Variants in TRAM2 observed in about 807,000 individuals in gnomAD.
TRAM2 encodes the protein translocation associated membrane protein 2.
TRAM2 carries 12 observed loss-of-function variants against 51.0 expected under a neutral mutation model. The ratio of observed to expected loss-of-function variants is 0.24; its 90% CI spans 0.15 to 0.38. The LOEUF (loss-of-function observed/expected upper bound fraction) is 0.38. TRAM2 is among the 10% of genes least tolerant of loss of function. The probability of loss-of-function intolerance (pLI) is 1.00; values close to 1 mark genes in which losing one functional copy is unlikely to be tolerated. For synonymous variants in TRAM2, 175 were observed against 179.4 expected, an observed-to-expected ratio of 0.98 and a Z score of 0.20; for missense variants, 361 against 462.0, an observed-to-expected ratio of 0.78 and a Z score of 2.00.
chr6:52,504,785 GGGGCTT>G, intron 9 of TRAM2, 31 bp from the exon 10 acceptor site: 1 of 1,566,760 alleles, frequency 6.4e-7, no homozygotes, highest in Middle Eastern at 2.2e-4. Flanking sequence ...GGCTTAGGCT[GGGGCTT>G]GGGCTCACAG....
In TRAM2 at chr6:52,506,154, T is replaced by G; in HGVS notation, c.627-18A>C. 6.2e-7 allele frequency: 1 copy of G among 1,606,920 alleles called. No homozygotes were observed. The highest frequency in any genetic ancestry group is 8.5e-7 in the Non-Finnish European group (1 of 1,175,124). ...GGCTCAGGCTGGGGGTGGGGAAGAC[T>G]AGACTTACATTCCCTCCAAGATGCT... On this transcript the variant is annotated intron_variant, in intron 7 of 10. Coordinates refer to ENST00000182527, the MANE Select transcript of TRAM2 (RefSeq NM_012288.4).
chr6:52,576,944 C>T lies in TRAM2; in HGVS notation c.-29G>A, dbSNP rs755597096. On this transcript the variant is annotated 5_prime_UTR_variant, in exon 1 of 11. Transcript: ENST00000182527. ...AGCGGGCGCGCAGCGGCCGGCGGGGCCCGCACCCTGCGCTCACGAACCGCA... is the reference window on the plus strand; with the variant it reads ...AGCGGGCGCGCAGCGGCCGGCGGGGTCCGCACCCTGCGCTCACGAACCGCA... 5.0e-6 allele frequency: 8 copies of T among 1,589,922 alleles called. No individual in the cohort carries two copies. The highest frequency in any genetic ancestry group is 2.3e-5 in the South Asian group (2 of 88,848).
chr6:52,528,158 T>C (rs1245860783), intron 2 of TRAM2, among the ~76,000 whole-genome samples: 1 of 152,100 alleles, frequency 6.6e-6, no homozygotes, highest in Non-Finnish European at 1.5e-5. Flanking sequence ...CCTGGTGCTG[T>C]ACAGGTGTGA....
intron 1 of TRAM2, among the ~76,000 whole-genome samples, chr6:52,553,908 T>C (rs138318227): frequency 6.6e-5 from 10 of 152,328 alleles, no homozygotes; most frequent in African/African-American, 2.4e-4. Context: ...TTGTCATTTA[T>C]CATTTTCTGG....
intron 4 of TRAM2, 37 bp from the exon 5 acceptor site, chr6:52,509,623 G>A (rs1766417850): frequency 1.9e-6 from 3 of 1,608,932 alleles, no homozygotes; most frequent in Non-Finnish European, 2.6e-6. Flanking sequence ...TTAGAGATGT[G>A]GACGTGAGAC....
intron 2 of TRAM2, 97 bp downstream of exon 2, chr6:52,535,686 G>GA (rs3215574): frequency 0.045 from 41,176 of 915,744 alleles, no homozygotes; most frequent in Non-Finnish European, 0.051. Flanking sequence ...CGTCATGGGG[G>GA]AAAAAAAAAA....
At chr6:52,523,993 T>C (rs1766725286) in intron 2 of TRAM2, 1 of 152,212 alleles carries the variant, frequency 6.6e-6, no homozygotes, top group African/African-American at 2.4e-5. Flanking sequence ...CACCTCCAGG[T>C]GATGCTGACC....
At position 52,498,195 on chromosome 6, in the gene TRAM2, A is replaced by C. The variant is rs773996899; in HGVS notation, c.*5002T>G. ...CTCCCATGGGTCCCATTTCTCCCCC[A>C]GTTGCAGGTGTTTTAAGGGACAGAA... On this transcript the variant is annotated 3_prime_UTR_variant, in exon 11 of 11. Transcript: ENST00000182527. The C allele has an allele frequency of 6.6e-6, 1 of 152,564 alleles. No homozygotes were observed. The highest frequency in any genetic ancestry group is 1.5e-5 in the Non-Finnish European group (1 of 68,040). 9.5% of individuals were successfully genotyped at this position (152,564 alleles called of 1,614,324 possible). A position where few individuals can be genotyped will look rare whatever the true frequency, so the allele number is the denominator to read the frequency against.
At position 52,499,833 on chromosome 6, in the gene TRAM2, C is replaced by T. The variant is rs917413020; in HGVS notation, c.*3364G>A. The T allele has an allele frequency of 2.6e-5, 4 of 152,254 alleles. No individual in the cohort carries two copies. Among genetic ancestry groups the T allele is most frequent in the African/African-American group, 9.7e-5 (4 of 41,436 alleles). 9.4% of individuals were successfully genotyped at this position (152,254 alleles called of 1,614,324 possible). A position where few individuals can be genotyped will look rare whatever the true frequency, so the allele number is the denominator to read the frequency against. On this transcript the variant is annotated 3_prime_UTR_variant, in exon 11 of 11. Coordinates refer to ENST00000182527, the MANE Select transcript of TRAM2 (RefSeq NM_012288.4). ...CCATTTCGGTCTGGTGGCCCAGACA[C>T]ACATGGGATTAGAACTGACTCAAAA... is the stretch of plus-strand genomic sequence containing the variant.
intron 1 of TRAM2, among the ~76,000 whole-genome samples, chr6:52,566,652 C>G (rs1331898235): frequency 6.6e-6 from 1 of 152,230 alleles, no homozygotes; most frequent in East Asian, 1.9e-4. Context: ...CTTGTCCCCA[C>G]TGCATCCCAC....
At chr6:52,534,402 C>T (rs1355658482) in intron 2 of TRAM2, among the ~76,000 whole-genome samples, 1 of 152,120 alleles carries the variant, frequency 6.6e-6, no homozygotes, top group Non-Finnish European at 1.5e-5. Flanking sequence ...CAAACAACAA[C>T]AACAAAAAGA....
chr6:52,534,089 A>T (rs1429770230), intron 2 of TRAM2, among the ~76,000 whole-genome samples: 6 of 151,262 alleles, frequency 4.0e-5, no homozygotes, highest in African/African-American at 1.5e-4. Flanking sequence ...CCGTCCAAAA[A>T]AAAAAAAAAA....
Position 52,515,112 on chromosome 6 carries a change from G to A in TRAM2, c.411+894C>T, listed in dbSNP as rs191107311. ...CCTTGTGATGGGAGCGCCCATCACT[G>A]TCACTGAAAGAAGAGGAAGAAAGTG... On this transcript the variant is annotated intron_variant, in intron 4 of 10. Transcript: ENST00000182527. Among the ~76,000 whole-genome samples the A allele has an allele frequency of 2.4e-4, 36 of 152,340 alleles. No individual in the cohort carries two copies. The East Asian group carries it at 5.8e-3, about 24-fold the overall frequency.
rs1766184956 is a variant in TRAM2 at position 52,500,348 on chromosome 6, AGTCT to A, written c.*2845_*2848del. On this transcript the variant is annotated 3_prime_UTR_variant, in exon 11 of 11. Transcript: ENST00000182527. Reference sequence around the variant, plus strand: ...GGAATTATTTCAGCTCTGGCAACACAGTCTGTGTCAACCTGCCACAGACTTGGCT... The same window carrying A: ...GGAATTATTTCAGCTCTGGCAACACAGTGTCAACCTGCCACAGACTTGGCT... 6.6e-6 allele frequency: 1 copy of A among 152,136 alleles called. No homozygotes were observed. Among genetic ancestry groups the A allele is most frequent in the Non-Finnish European group, 1.5e-5 (1 of 68,034 alleles). 9.4% of individuals were successfully genotyped at this position (152,136 alleles called of 1,614,324 possible). A position where few individuals can be genotyped will look rare whatever the true frequency, so the allele number is the denominator to read the frequency against.
Position 52,528,687 on chromosome 6 carries a change from G to A in TRAM2, c.184+7096C>T, listed in dbSNP as rs75922031. 1.2e-4 allele frequency among the ~76,000 whole-genome samples: 18 copies of A among 152,192 alleles called. 1 individual carries two copies. The East Asian group carries it at 3.5e-3, about 29-fold the overall frequency. On this transcript the variant is annotated intron_variant, in intron 2 of 10. Coordinates refer to ENST00000182527, the MANE Select transcript of TRAM2 (RefSeq NM_012288.4). ...GGCTGCAAAATGCAACAGAGCAGAT[G>A]GTAGTAATAAAGCCAACTGGGATCC...
intron 1 of TRAM2, among the ~76,000 whole-genome samples, chr6:52,539,040 G>C (rs983741139): frequency 1.3e-5 from 2 of 152,082 alleles, no homozygotes; most frequent in African/African-American, 4.8e-5. Flanking sequence ...TGAATTCATG[G>C]CCAACAGCGC....
At chr6:52,533,999 C>A (rs1766935191) in intron 2 of TRAM2, among the ~76,000 whole-genome samples, 1 of 151,710 alleles carries the variant, frequency 6.6e-6, no homozygotes. Flanking sequence ...GCAGGAGAAT[C>A]ACTTGAACCC....
Position 52,508,418 on chromosome 6 carries a change from C to CT in TRAM2, c.471-101dup, listed in dbSNP as rs1766389481. The CT allele has an allele frequency of 5.3e-6, 6 of 1,126,798 alleles. No individual in the cohort carries two copies. The Admixed American group carries it at 1.2e-4, about 23-fold the overall frequency. 69.8% of individuals were successfully genotyped at this position (1,126,798 alleles called of 1,614,324 possible). A position where few individuals can be genotyped will look rare whatever the true frequency, so the allele number is the denominator to read the frequency against. ...GGAAAAGCATGGGCTGAGACTCTGC[C>CT]TGTGAGGAGCTGGTCCAGGAGCAAG... On this transcript the variant is annotated intron_variant, in intron 5 of 10. Coordinates refer to ENST00000182527, the MANE Select transcript of TRAM2 (RefSeq NM_012288.4).
intron 4 of TRAM2, among the ~76,000 whole-genome samples, chr6:52,510,534 C>G (rs1455413997): frequency 1.3e-5 from 2 of 152,096 alleles, no homozygotes; most frequent in African/African-American, 2.4e-5. Context: ...AGGTGGAACC[C>G]AAGACCTTGT....
Sources: gnomAD v4.1 joint callset for allele counts (sites outside exome capture counted in the v4.1 genomes callset) on GRCh38, gnomAD v4.1.1 for gene constraint, MANE v1.5 for transcripts, NCBI Gene and HGNC (gene_info 2026-07-23, HGNC 2026-07-21) for gene names.